TMEM132D: variants seen among roughly 807,000 people sequenced by gnomAD.
TMEM132D encodes the protein transmembrane protein 132D.
TMEM132D carries 21 observed loss-of-function variants against 62.3 expected under a neutral mutation model. That is an observed-to-expected ratio of 0.34 (90% CI 0.24 to 0.49). TMEM132D has a LOEUF of 0.49. Among genes scored for constraint, TMEM132D ranks in the 20% least tolerant of loss-of-function variants. The pLI is 0.99. For synonymous variants in TMEM132D, 621 were observed against 575.6 expected, an observed-to-expected ratio of 1.08 and a Z score of -1.13; for missense variants, 1,346 against 1,402.8, an observed-to-expected ratio of 0.96 and a Z score of 0.65.
chr12:129,462,259 G>T (rs770180788), intron 3 of TMEM132D, among the ~76,000 whole-genome samples: 1 of 152,056 alleles, frequency 6.6e-6, no homozygotes, highest in East Asian at 1.9e-4. Context: ...GAATAAAGAC[G>T]CACTTAGGAA....
chr12:129,862,944 T>C (rs1399755000), intron 1 of TMEM132D, among the ~76,000 whole-genome samples: 1 of 151,834 alleles, frequency 6.6e-6, no homozygotes, highest in Non-Finnish European at 1.5e-5. Flanking sequence ...TTGATGGAAC[T>C]GAACGGCCCT....
chr12:129,605,149 T>A (rs146007355), intron 2 of TMEM132D, among the ~76,000 whole-genome samples: 1 of 152,290 alleles, frequency 6.6e-6, no homozygotes, highest in African/African-American at 2.4e-5. Context: ...CGGTTTCAGA[T>A]TTTTTTGTCA....
At chr12:129,319,165 T>C (rs1260980811) in intron 4 of TMEM132D, among the ~76,000 whole-genome samples, 1 of 152,148 alleles carries the variant, frequency 6.6e-6, no homozygotes, top group Non-Finnish European at 1.5e-5. Context: ...GCTAAAGAAT[T>C]CCTTCTCCAT....
At chr12:129,807,058 A>C (rs1872014313) in intron 1 of TMEM132D, among the ~76,000 whole-genome samples, 1 of 152,182 alleles carries the variant, frequency 6.6e-6, no homozygotes, top group South Asian at 2.1e-4. Flanking sequence ...TGAATAAATA[A>C]ATGAATAAAG....
At chr12:129,699,397 A>G (rs1186231910) in intron 2 of TMEM132D, among the ~76,000 whole-genome samples, 1 of 152,228 alleles carries the variant, frequency 6.6e-6, no homozygotes, top group African/African-American at 2.4e-5. Context: ...TTGAGTTGGC[A>G]AAACCGTGTT....
intron 2 of TMEM132D, among the ~76,000 whole-genome samples, chr12:129,636,944 T>C (rs1180250202): frequency 6.6e-6 from 1 of 152,116 alleles, no homozygotes; most frequent in East Asian, 1.9e-4. Context: ...AATAAAGAAT[T>C]ATGTTATGTA....
At chr12:129,380,479 C>G (rs1353571762) in intron 3 of TMEM132D, among the ~76,000 whole-genome samples, 3 of 152,124 alleles carry the variant, frequency 2.0e-5, no homozygotes, top group Non-Finnish European at 4.4e-5. Flanking sequence ...TTCTAGAATT[C>G]TAGTGCAATA....
chr12:129,295,828 G>A (rs999454801), intron 4 of TMEM132D, among the ~76,000 whole-genome samples: 2 of 152,050 alleles, frequency 1.3e-5, no homozygotes, highest in African/African-American at 4.8e-5. Flanking sequence ...CTAATACAAT[G>A]TAAATGCTAT....
intron 2 of TMEM132D, among the ~76,000 whole-genome samples, chr12:129,633,009 T>C (rs1040455920): frequency 1.3e-5 from 2 of 152,222 alleles, no homozygotes; most frequent in African/African-American, 4.8e-5. Context: ...AAATCCCACA[T>C]AGGGGTAAGT....
At chr12:129,769,293 G>A (rs1239652090) in intron 1 of TMEM132D, among the ~76,000 whole-genome samples, 2 of 152,148 alleles carry the variant, frequency 1.3e-5, no homozygotes, top group Non-Finnish European at 2.9e-5. Flanking sequence ...TCACAATCAT[G>A]GCAGAAGGCA....
intron 1 of TMEM132D, among the ~76,000 whole-genome samples, chr12:129,729,558 AT>A (rs1464302163): frequency 1.3e-5 from 2 of 151,946 alleles, no homozygotes; most frequent in Non-Finnish European, 2.9e-5. Flanking sequence ...CAAAGATTGC[AT>A]TTTTTTTCCA....
intron 3 of TMEM132D, among the ~76,000 whole-genome samples, chr12:129,453,427 CA>C (rs1403324586): frequency 1.3e-5 from 2 of 152,168 alleles, no homozygotes; most frequent in African/African-American, 4.8e-5. Flanking sequence ...CTGCTCCTTT[CA>C]ACTGGAGAGT....
At chr12:129,489,888 G>C (rs113568793) in intron 3 of TMEM132D, among the ~76,000 whole-genome samples, 1 of 152,138 alleles carries the variant, frequency 6.6e-6, no homozygotes, top group Admixed American at 6.5e-5. Context: ...CTACCAATAT[G>C]AGGAAAGAGA....
chr12:129,092,978 A>C (rs1874980494), intron 5 of TMEM132D, among the ~76,000 whole-genome samples: 4 of 152,174 alleles, frequency 2.6e-5, no homozygotes, highest in Admixed American at 2.0e-4. Flanking sequence ...TCCCTAACTC[A>C]GGTATATTTG....
intron 1 of TMEM132D, among the ~76,000 whole-genome samples, chr12:129,843,455 C>T (rs1016437042): frequency 5.3e-5 from 8 of 152,118 alleles, no homozygotes; most frequent in African/African-American, 1.9e-4. Context: ...AAATCAAACA[C>T]ATGGAATGTA....
intron 4 of TMEM132D, among the ~76,000 whole-genome samples, chr12:129,249,553 T>C (rs1347855017): frequency 6.6e-6 from 1 of 152,186 alleles, no homozygotes; most frequent in Non-Finnish European, 1.5e-5. Flanking sequence ...CATTCATTCA[T>C]TCACTTATTC....
At chr12:129,487,251 A>G (rs1874611371) in intron 3 of TMEM132D, among the ~76,000 whole-genome samples, 1 of 152,236 alleles carries the variant, frequency 6.6e-6, no homozygotes, top group African/African-American at 2.4e-5. Flanking sequence ...AAGGAGAAGC[A>G]GCCCCAGATG....
At chr12:129,662,753 A>G (rs1423487782) in intron 2 of TMEM132D, among the ~76,000 whole-genome samples, 1 of 136,002 alleles carries the variant, frequency 7.4e-6, no homozygotes, top group Admixed American at 8.9e-5. Flanking sequence ...AGATTGTGCC[A>G]CTGCACTCCA....
At chr12:129,269,082 A>G (rs569940347) in intron 4 of TMEM132D, among the ~76,000 whole-genome samples, 2 of 151,640 alleles carry the variant, frequency 1.3e-5, no homozygotes, top group South Asian at 4.2e-4. Context: ...TGACGAGTTA[A>G]TGGGTGCAGC....
Sources: allele counts gnomAD v4.1 joint callset (sites outside exome capture counted in the v4.1 genomes callset), GRCh38; gene constraint gnomAD v4.1.1; transcripts MANE v1.5; gene names NCBI Gene and HGNC (gene_info 2026-07-23, HGNC 2026-07-21).